The following LACRT variants were observed in gnomAD, a reference collection of about 807,000 sequenced individuals.
LACRT encodes lacritin, also known as extracellular glycoprotein lacritin.
A neutral mutation model predicts 14.5 loss-of-function variants in LACRT; 14 were observed. The ratio of observed to expected loss-of-function variants is 0.96; its 90% CI spans 0.64 to 1.51. The LOEUF (loss-of-function observed/expected upper bound fraction) is 1.51, where lower values mean the gene tolerates loss of function less well. Ranked by LOEUF, LACRT falls within the 40% of genes most tolerant of loss-of-function variation. LACRT has a pLI of 0.00. For missense variants in LACRT, 156 were observed against 161.8 expected (o/e 0.96, Z 0.19); for synonymous variants, 70 against 63.5 (o/e 1.10, Z -0.48).
chr12:54,632,067 A>G (rs1478626657), intron 3 of LACRT, 174 bp downstream of exon 3: 1 of 724,388 alleles, frequency 1.4e-6, no homozygotes, highest in Non-Finnish European at 2.3e-6. Context: ...AACATCTACT[A>G]TTGTGAAAAC....
chr12:54,631,503 A>G (rs1156359538), intron 4 of LACRT, among the ~76,000 whole-genome samples: 1 of 152,212 alleles, frequency 6.6e-6, no homozygotes, highest in African/African-American at 2.4e-5. Context: ...GGCCTCCCAA[A>G]GTGCTGGGAT....
intron 4 of LACRT, among the ~76,000 whole-genome samples, chr12:54,631,194 G>A (rs1958150293): frequency 6.6e-6 from 1 of 152,192 alleles, no homozygotes; most frequent in South Asian, 2.1e-4. Context: ...GGGAAGGTAG[G>A]GGGTTAGACC....
chr12:54,632,799 A>C (rs2121271210), intron 2 of LACRT, among the ~76,000 whole-genome samples: 1 of 152,312 alleles, frequency 6.6e-6, no homozygotes, highest in East Asian at 1.9e-4. Flanking sequence ...ATGGGGTTGG[A>C]AAATGAGGTT....
At chr12:54,634,351 CAAAAAA>C (rs10561513) in intron 1 of LACRT, among the ~76,000 whole-genome samples, 1 of 95,002 alleles carries the variant, frequency 1.1e-5, no homozygotes, top group Non-Finnish European at 2.1e-5. Flanking sequence ...GACTCGGTCT[CAAAAAA>C]AAAAAAAAAA....
intron 1 of LACRT, among the ~76,000 whole-genome samples, chr12:54,633,589 A>G (rs559528971): frequency 1.3e-5 from 2 of 152,124 alleles, no homozygotes; most frequent in African/African-American, 2.4e-5. Flanking sequence ...GGAGGACAGT[A>G]TGTGGGGGTT....
In LACRT at chr12:54,633,164, G is replaced by A; in HGVS notation, c.112+16C>T. ...TTCCCAACGAGGGCTAGGGCAGCAGGGAGAGGAGGACTCACAGGTCCCAGC... is the reference window on the plus strand; with the variant it reads ...TTCCCAACGAGGGCTAGGGCAGCAGAGAGAGGAGGACTCACAGGTCCCAGC... On this transcript the variant is annotated intron_variant, in intron 2 of 4. Transcript: ENST00000257867. The A allele has an allele frequency of 6.2e-7, 1 of 1,613,542 alleles. No homozygotes were observed. The highest frequency in any genetic ancestry group is 8.5e-7 in the Non-Finnish European group (1 of 1,179,546).
chr12:54,633,679 A>C (rs1958168421), intron 1 of LACRT, among the ~76,000 whole-genome samples: 1 of 152,140 alleles, frequency 6.6e-6, no homozygotes, highest in African/African-American at 2.4e-5. Flanking sequence ...ACATTTATGC[A>C]AAGCTCTGTG....
Position 54,630,922 on chromosome 12 carries a change from C to G in LACRT, c.387G>C (p.Lys129Asn), listed in dbSNP as rs746351686. 4 of 1,612,540 alleles carry G rather than the reference C, an allele frequency of 2.5e-6. No homozygotes were observed. The South Asian group carries it at 4.4e-5, about 18-fold the overall frequency. The change falls in exon 5 of 5, where the codon AAG becomes AAC. Residue 129 changes from lysine to asparagine, a missense_variant. Coordinates refer to ENST00000257867, the MANE Select transcript of LACRT (RefSeq NM_033277.2). Reference sequence around the variant, plus strand: ...CCCATGGTTTTAATAGACTGAATTTCTTCAGTAATTTTTGTGCAAATTCAC... The same window carrying G: ...CCCATGGTTTTAATAGACTGAATTTGTTCAGTAATTTTTGTGCAAATTCAC... ...NGSEFAQKLL[K>N]KFSLLKPWA is the part of the protein sequence containing the mutation.
intron 3 of LACRT, 154 bp downstream of exon 3, chr12:54,632,087 G>T: frequency 1.2e-6 from 1 of 807,906 alleles, no homozygotes; most frequent in Non-Finnish European, 2.0e-6. Context: ...CGTTGTGTGT[G>T]GGTGCAATGC....
At chr12:54,633,003 C>A (rs538873955) in intron 2 of LACRT, among the ~76,000 whole-genome samples, 177 bp downstream of exon 2, 10 of 152,242 alleles carry the variant, frequency 6.6e-5, no homozygotes, top group African/African-American at 2.2e-4. Context: ...TTGTCCTTAG[C>A]CTTGTACCAT....
rs529653721 is a variant in LACRT, at chr12:54,634,799, C to T, written c.43G>A (p.Ala15Thr). The T allele has an allele frequency of 4.1e-5, 66 of 1,613,724 alleles. No homozygotes were observed. The highest frequency in any genetic ancestry group is 5.3e-5 in the Non-Finnish European group (62 of 1,179,814). ...TLLFLAAVAGALVYAEDASSD... is the reference protein window; with the variant it reads ...TLLFLAAVAGTLVYAEDASSD... ...CCATACTCACCAGCATAGACCAGGG[C>T]CCCTGCTACAGCTGCCAAGAAGAGG... Residue 15 changes from alanine (A) to threonine (T), a missense_variant, in exon 1 of 5, where the codon GCC becomes ACC. Ala to Thr is a moderately conservative substitution (Grantham distance 58). Coordinates refer to ENST00000257867, the MANE Select transcript of LACRT (RefSeq NM_033277.2).
At chr12:54,631,896 C>A (rs1195575318) in intron 3 of LACRT, 57 bp from the exon 4 acceptor site, 1 of 1,259,832 alleles carries the variant, frequency 7.9e-7, no homozygotes, top group Non-Finnish European at 1.2e-6. Context: ...TTAAAGAGAA[C>A]TCTGCATTGC....
intron 4 of LACRT, among the ~76,000 whole-genome samples, chr12:54,631,177 C>T (rs1397952224): frequency 1.3e-5 from 2 of 152,194 alleles, no homozygotes; most frequent in Non-Finnish European, 2.9e-5. Flanking sequence ...CAAGCAGGCT[C>T]TGCTGCGGGA....
At chr12:54,631,892 A>G in intron 3 of LACRT, 53 bp from the exon 4 acceptor site, 1 of 1,321,454 alleles carries the variant, frequency 7.6e-7, no homozygotes, top group East Asian at 2.3e-5. Context: ...TCATTTAAAG[A>G]GAACTCTGCA....
intron 2 of LACRT, 143 bp from the exon 3 acceptor site, chr12:54,632,524 G>C: frequency 1.0e-6 from 1 of 963,162 alleles, no homozygotes; most frequent in Non-Finnish European, 1.6e-6. Flanking sequence ...CCCCTTAAGG[G>C]AGATAGCATT....
At chr12:54,631,887 T>C in intron 3 of LACRT, 48 bp from the exon 4 acceptor site, 2 of 1,333,198 alleles carry the variant, frequency 1.5e-6, no homozygotes, top group Non-Finnish European at 2.2e-6. Context: ...TCACCTCATT[T>C]AAAGAGAACT....
At chr12:54,634,205 A>C (rs1325448594) in intron 1 of LACRT, among the ~76,000 whole-genome samples, 1 of 152,110 alleles carries the variant, frequency 6.6e-6, no homozygotes, top group Non-Finnish European at 1.5e-5. Context: ...ATACAAAATT[A>C]GCTGGGCAAG....
intron 1 of LACRT, among the ~76,000 whole-genome samples, chr12:54,633,795 C>T (rs1381784293): frequency 6.6e-6 from 1 of 152,150 alleles, no homozygotes; most frequent in Non-Finnish European, 1.5e-5. Context: ...TGTGACAGTG[C>T]TGGAAGGGAA....
Position 54,632,106 on chromosome 12 carries a change from A to G in LACRT, c.253+135T>C. 1.0e-5 allele frequency: 10 copies of G among 986,824 alleles called. No individual in the cohort carries two copies. The South Asian group carries it at 1.6e-4, about 16-fold the overall frequency. The allele number at this position is 986,824 out of a possible 1,614,324, so 61.1% of individuals were successfully genotyped here. ...GTGTGTGGGTGCAATGCACAATCCC[A>G]TTTGTGCCTTTGTGTTCAGCTGTTT... On this transcript the variant is annotated intron_variant, in intron 3 of 4. Coordinates refer to ENST00000257867, the MANE Select transcript of LACRT (RefSeq NM_033277.2).
Sources: gnomAD v4.1 joint callset for allele counts (sites outside exome capture counted in the v4.1 genomes callset) on GRCh38, gnomAD v4.1.1 for gene constraint, MANE v1.5 for transcripts, NCBI Gene and HGNC (gene_info 2026-07-23, HGNC 2026-07-21) for gene names.